The following TRPM3 variants were observed in gnomAD, a reference collection of about 807,000 sequenced individuals.
TRPM3 encodes long transient receptor potential channel 3.
In TRPM3, 77 loss-of-function variants were observed where a neutral mutation model predicts 181.2. The observed-to-expected ratio is 0.42, with a 90% CI of 0.35 to 0.51. The LOEUF is 0.51. TRPM3 is among the 20% of genes least tolerant of loss of function. The pLI is 0.01. For synonymous variants in TRPM3, 745 were observed against 796.4 expected (o/e 0.94, Z 1.09); for missense variants, 1,759 against 2,196.7 (o/e 0.80, Z 3.98).
At chr9:70,969,771 T>C (rs1001951252) in intron 1 of TRPM3, among the ~76,000 whole-genome samples, 7 of 109,902 alleles carry the variant, frequency 6.4e-5, no homozygotes, top group Non-Finnish European at 1.4e-4. Flanking sequence ...TATATATATA[T>C]ATATATATAC....
chr9:70,857,734 T>C (rs1444486572), intron 3 of TRPM3, among the ~76,000 whole-genome samples: 1 of 152,098 alleles, frequency 6.6e-6, no homozygotes, highest in Non-Finnish European at 1.5e-5. Flanking sequence ...TAGGCGCAGA[T>C]TAGTTAGTGT....
chr9:71,208,993 T>G (rs1299725522), intron 1 of TRPM3, among the ~76,000 whole-genome samples: 1 of 152,172 alleles, frequency 6.6e-6, no homozygotes. Context: ...CTTAAGTGAA[T>G]AGTGAAGTCT....
In TRPM3 at chr9:70,846,589, A is replaced by G; in HGVS notation, c.465T>C (p.Tyr155=). 6.2e-7 allele frequency: 1 copy of G among 1,613,868 alleles called. No homozygotes were observed. The highest frequency in any genetic ancestry group is 8.5e-7 in the Non-Finnish European group (1 of 1,179,724). Residue 155 remains tyrosine, a splice_region_variant and synonymous_variant, in exon 4 of 26, where the codon TAT becomes TAC. Coordinates refer to ENST00000677713, the MANE Select transcript of TRPM3 (RefSeq NM_001366145.2). Reference sequence around the variant, plus strand: ...GTTTTGTATCAAAAGATACTCGCACATACTGGAAGAAGAAAGGACATCAAT... The same window carrying G: ...GTTTTGTATCAAAAGATACTCGCACGTACTGGAAGAAGAAAGGACATCAAT... ...QGGGHSNKAM[Y]VRVSFDTKPD...
intron 1 of TRPM3, among the ~76,000 whole-genome samples, chr9:71,019,965 C>G (rs2134485135): frequency 6.6e-6 from 1 of 152,106 alleles, no homozygotes; most frequent in South Asian, 2.1e-4. Flanking sequence ...GAAATGGAAC[C>G]AAATTGGTTG....
intron 1 of TRPM3, among the ~76,000 whole-genome samples, chr9:71,187,553 G>C (rs2077748123): frequency 6.6e-6 from 1 of 151,808 alleles, no homozygotes; most frequent in Non-Finnish European, 1.5e-5. Context: ...AGGACAATTG[G>C]CATTAACAAA....
At chr9:70,691,173 T>G (rs1484387329) in intron 8 of TRPM3, among the ~76,000 whole-genome samples, 1 of 152,164 alleles carries the variant, frequency 6.6e-6, no homozygotes, top group African/African-American at 2.4e-5. Context: ...ATAAATTAAA[T>G]ATTGATTTTT....
chr9:71,341,017 C>T lies in TRPM3; in HGVS notation c.183+105636G>A, dbSNP rs1464013473. Among the ~76,000 whole-genome samples, 3 of 152,228 alleles carry T rather than the reference C, an allele frequency of 2.0e-5. No individual in the cohort carries two copies. The East Asian group carries it at 5.8e-4, about 29-fold the overall frequency. On this transcript the variant is annotated intron_variant, in intron 1 of 24. Coordinates refer to the TRPM3 transcript ENST00000357533. ...TGTGAAAAAGCTCCCAAAGTTGGAA[C>T]ATCCTGTGCATTAAAATAAAAGATA...
chr9:71,440,516 G>A (rs886628730), intron 1 of TRPM3, among the ~76,000 whole-genome samples: 2 of 152,208 alleles, frequency 1.3e-5, no homozygotes, highest in African/African-American at 2.4e-5. Context: ...CTTTTGAGAA[G>A]CAGGCATAAA....
At chr9:70,998,991 G>C (rs999831869) in intron 1 of TRPM3, among the ~76,000 whole-genome samples, 3 of 152,060 alleles carry the variant, frequency 2.0e-5, no homozygotes, top group Admixed American at 6.5e-5. Context: ...ACCAAGCATG[G>C]TTCTAGCAAA....
At chr9:71,053,733 A>G (rs1237795628) in intron 1 of TRPM3, among the ~76,000 whole-genome samples, 1 of 151,812 alleles carries the variant, frequency 6.6e-6, no homozygotes, top group African/African-American at 2.4e-5. Flanking sequence ...GCCTCCTCAC[A>G]CTCCTTTGCC....
chr9:70,851,362 G>A (rs1054976042), intron 3 of TRPM3, among the ~76,000 whole-genome samples: 7 of 152,166 alleles, frequency 4.6e-5, no homozygotes, highest in African/African-American at 1.7e-4. Context: ...CAGATATTGT[G>A]TAATAATTTC....
rs1284595094 is a variant in TRPM3, at chr9:71,351,874, TTG to T, written c.183+94777_183+94778del. ...GAAGTTTTTGTTTGTTTGTTTGTTT[TTG>T]TTTTTTTTTTTTTTTTTGAGACTGA... On this transcript the variant is annotated intron_variant, in intron 1 of 24. Transcript: ENST00000357533. Among the ~76,000 whole-genome samples, 15 of 98,964 alleles carry T rather than the reference TTG, an allele frequency of 1.5e-4. 1 individual carries two copies. The highest frequency in any genetic ancestry group is 2.0e-4 in the Admixed American group (2 of 9,950). The allele number at this position is 98,964 out of a possible 152,430, so 64.9% of individuals were successfully genotyped here.
At chr9:70,912,491 A>G (rs1427260419) in intron 1 of TRPM3, among the ~76,000 whole-genome samples, 1 of 152,204 alleles carries the variant, frequency 6.6e-6, no homozygotes, top group Non-Finnish European at 1.5e-5. Context: ...AACCAGTTAA[A>G]ACAAATTAGA....
intron 1 of TRPM3, among the ~76,000 whole-genome samples, chr9:70,966,117 T>C (rs2097182988): frequency 1.3e-5 from 2 of 148,536 alleles, no homozygotes; most frequent in Admixed American, 1.3e-4. Context: ...AAAGACGACA[T>C]ACATGTGGCC....
chr9:70,672,281 G>A (rs886299696), intron 9 of TRPM3, among the ~76,000 whole-genome samples: 10 of 152,066 alleles, frequency 6.6e-5, no homozygotes, highest in Non-Finnish European at 1.5e-4. Context: ...AAGTACTCCC[G>A]GGACCTTTCT....
chr9:71,180,050 CT>C (rs35877663), intron 1 of TRPM3, among the ~76,000 whole-genome samples: 21,658 of 100,748 alleles, frequency 0.21, 1,515 homozygotes, highest in African/African-American at 0.29. Flanking sequence ...ATACATCCTT[CT>C]TTTTTTTTTT....
intron 8 of TRPM3, 197 bp downstream of exon 8, chr9:70,761,404 A>C (rs2078108701): frequency 2.7e-6 from 2 of 733,474 alleles, no homozygotes; most frequent in Middle Eastern, 4.6e-4. Flanking sequence ...TGCTGCACAC[A>C]CCTTATTAAC....
At chr9:71,406,961 T>A (rs1249618807) in intron 1 of TRPM3, among the ~76,000 whole-genome samples, 1 of 152,156 alleles carries the variant, frequency 6.6e-6, no homozygotes, top group Non-Finnish European at 1.5e-5. Flanking sequence ...AAGGAAAAAC[T>A]TATGTTGAGG....
intron 9 of TRPM3, among the ~76,000 whole-genome samples, chr9:70,672,518 G>T (rs1200400111): frequency 2.6e-5 from 4 of 152,100 alleles, no homozygotes; most frequent in Non-Finnish European, 5.9e-5. Context: ...TGTTTTATTT[G>T]TTTTTGCTGG....
Sources: gnomAD v4.1 joint callset for allele counts (sites outside exome capture counted in the v4.1 genomes callset) on GRCh38, gnomAD v4.1.1 for gene constraint, MANE v1.5 for transcripts, NCBI Gene and HGNC (gene_info 2026-07-23, HGNC 2026-07-21) for gene names.